The following QTMAN variants were observed in gnomAD, a reference collection of about 807,000 sequenced individuals.
QTMAN encodes tRNA-queuosine alpha-mannosyltransferase.
chr2:144,254,330 G>A, the QTMAN span, among the ~76,000 whole-genome samples: 2 of 152,204 alleles, frequency 1.3e-5, no homozygotes, highest in South Asian at 4.1e-4. Context: ...GCTGAGGCAG[G>A]AGAATCGTTT....
At chr2:144,062,671 G>A in the QTMAN span, among the ~76,000 whole-genome samples, 20 of 152,082 alleles carry the variant, frequency 1.3e-4, no homozygotes, top group African/African-American at 4.3e-4. Flanking sequence ...TCATTCTGTC[G>A]ACTTTATTAA....
the QTMAN span, among the ~76,000 whole-genome samples, chr2:144,328,911 T>C: frequency 1.6e-3 from 239 of 151,822 alleles, no homozygotes; most frequent in Non-Finnish European, 1.8e-3. Context: ...AAGAATGGAG[T>C]GTTGGTTTGT....
chr2:144,115,082 T>C, the QTMAN span, among the ~76,000 whole-genome samples: 3 of 151,880 alleles, frequency 2.0e-5, no homozygotes, highest in Admixed American at 2.0e-4. Flanking sequence ...TACAAAAAAA[T>C]TAGCCAGCTG....
chr2:144,331,320 T>C, the QTMAN span, among the ~76,000 whole-genome samples: 17 of 152,264 alleles, frequency 1.1e-4, no homozygotes, highest in Admixed American at 3.9e-4. Flanking sequence ...TAGAAGCCAA[T>C]AGAATGGCTC....
At chr2:144,258,135 AATG>A in the QTMAN span, among the ~76,000 whole-genome samples, 1 of 152,008 alleles carries the variant, frequency 6.6e-6, no homozygotes, top group African/African-American at 2.4e-5. Context: ...GCATTAAAAA[AATG>A]ATGAAATGGA....
At chr2:144,071,197 T>G in the QTMAN span, among the ~76,000 whole-genome samples, 1 of 151,880 alleles carries the variant, frequency 6.6e-6, no homozygotes, top group Non-Finnish European at 1.5e-5. Flanking sequence ...TGCCACTGTT[T>G]TTTTTTTTTT....
chr2:144,062,169 A>C, the QTMAN span, among the ~76,000 whole-genome samples: 1 of 152,224 alleles, frequency 6.6e-6, no homozygotes, highest in African/African-American at 2.4e-5. Flanking sequence ...TAGGACTAAA[A>C]GAGCACTGTA....
the QTMAN span, among the ~76,000 whole-genome samples, chr2:144,259,968 C>T: frequency 7.9e-5 from 12 of 151,956 alleles, no homozygotes; most frequent in East Asian, 3.9e-4. Context: ...TGTTGCACAG[C>T]GTGACAAGTT....
At chr2:143,964,238 A>G in the QTMAN span, 1 of 152,156 alleles carries the variant, frequency 6.6e-6, no homozygotes, top group East Asian at 1.9e-4. Context: ...AATACTTTAC[A>G]TGGTGCTAGA....
the QTMAN span, among the ~76,000 whole-genome samples, chr2:143,949,083 G>A: frequency 6.6e-5 from 10 of 151,894 alleles, no homozygotes; most frequent in Middle Eastern, 3.4e-3. Flanking sequence ...GCATGTATTG[G>A]ATTTCTCTAA....
At chr2:144,128,843 T>C in the QTMAN span, among the ~76,000 whole-genome samples, 2 of 152,024 alleles carry the variant, frequency 1.3e-5, no homozygotes, top group African/African-American at 4.8e-5. Flanking sequence ...AGTGGAAATG[T>C]AGTTGACATT....
chr2:144,181,672 G>A, the QTMAN span, among the ~76,000 whole-genome samples: 1 of 152,032 alleles, frequency 6.6e-6, no homozygotes, highest in Non-Finnish European at 1.5e-5. Context: ...TGAGCTGGGT[G>A]TGGTGGTGCA....
At chr2:144,031,449 A>T in the QTMAN span, among the ~76,000 whole-genome samples, 2 of 152,212 alleles carry the variant, frequency 1.3e-5, no homozygotes, top group Non-Finnish European at 2.9e-5. Context: ...AGTGTTTTTC[A>T]TGAAGCCAGG....
At chr2:144,052,323 G>A in the QTMAN span, among the ~76,000 whole-genome samples, 11 of 152,298 alleles carry the variant, frequency 7.2e-5, no homozygotes, top group Admixed American at 3.3e-4. Flanking sequence ...TAATCTACTG[G>A]CAAAACCAGA....
the QTMAN span, among the ~76,000 whole-genome samples, chr2:143,987,161 T>A: frequency 6.6e-6 from 1 of 152,270 alleles, no homozygotes; most frequent in Admixed American, 6.5e-5. Flanking sequence ...GCACAAGAGA[T>A]GAGAGCTCTT....
At chr2:144,123,292 T>C in the QTMAN span, among the ~76,000 whole-genome samples, 1 of 152,140 alleles carries the variant, frequency 6.6e-6, no homozygotes, top group South Asian at 2.1e-4. Context: ...AAAGGTACAG[T>C]AATAGATAAC....
At chr2:143,940,096 CTGAT>C in the QTMAN span, 1 of 152,164 alleles carries the variant, frequency 6.6e-6, no homozygotes. Context: ...CTATATTTTT[CTGAT>C]TGATCATTAA....
the QTMAN span, among the ~76,000 whole-genome samples, chr2:143,961,614 A>C: frequency 6.6e-6 from 1 of 152,142 alleles, no homozygotes; most frequent in Non-Finnish European, 1.5e-5. Context: ...TCATATTTAT[A>C]ATTTTTGAGA....
chr2:143,995,490 T>A, the QTMAN span, among the ~76,000 whole-genome samples: 15 of 152,200 alleles, frequency 9.9e-5, no homozygotes, highest in Admixed American at 5.9e-4. Flanking sequence ...CGCAATTACA[T>A]ATATCATCTT....
Sources: allele counts gnomAD v4.1 joint callset (sites outside exome capture counted in the v4.1 genomes callset), GRCh38; gene constraint gnomAD v4.1.1; transcripts MANE v1.5; gene names NCBI Gene and HGNC (gene_info 2026-07-23, HGNC 2026-07-21).